FRMD4B: variants seen among roughly 807,000 people sequenced by gnomAD.
The protein encoded by FRMD4B is FERM domain containing 4B.
FRMD4B carries 74 observed loss-of-function variants against 141.5 expected under a neutral mutation model. The observed-to-expected ratio is 0.52, with a 90% CI of 0.43 to 0.63. The LOEUF is 0.63. FRMD4B is among the 30% of genes least tolerant of loss of function. The pLI, the probability that FRMD4B is intolerant of heterozygous loss-of-function variation, is 0.00. For synonymous variants in FRMD4B, 506 were observed against 467.9 expected, an observed-to-expected ratio of 1.08 and a Z score of -1.05; for missense variants, 1,366 against 1,253.4, an observed-to-expected ratio of 1.09 and a Z score of -1.36.
At chr3:69,473,100 C>T (rs990375389) in intron 1 of FRMD4B, among the ~76,000 whole-genome samples, 20 of 151,858 alleles carry the variant, frequency 1.3e-4, no homozygotes, top group Admixed American at 1.2e-3. Flanking sequence ...AAAGGATGTT[C>T]CCCAAAGGAA....
At chr3:69,461,020 A>G (rs1159224) in intron 1 of FRMD4B, among the ~76,000 whole-genome samples, 100,622 of 152,052 alleles carry the variant, frequency 0.66, 33,880 homozygotes, top group East Asian at 0.84. Flanking sequence ...GGATATTAGC[A>G]TTCTACATCT....
intron 17 of FRMD4B, among the ~76,000 whole-genome samples, chr3:69,191,790 A>G (rs933309121): frequency 2.6e-5 from 4 of 152,312 alleles, no homozygotes; most frequent in African/African-American, 9.6e-5. Context: ...TAAGCACAAC[A>G]CTAATCACCC....
chr3:69,396,165 A>G (rs1704470287), intron 2 of FRMD4B, among the ~76,000 whole-genome samples: 1 of 152,166 alleles, frequency 6.6e-6, no homozygotes, highest in Non-Finnish European at 1.5e-5. Flanking sequence ...GGAAGGCACA[A>G]CACCCAACTC....
intron 1 of FRMD4B, among the ~76,000 whole-genome samples, chr3:69,377,515 T>C (rs909782753): frequency 2.0e-5 from 3 of 152,194 alleles, no homozygotes; most frequent in East Asian, 3.9e-4. Context: ...AGGTGCTTGA[T>C]GTGTTGCCCA....
chr3:69,302,764 TA>T (rs1575708773), intron 3 of FRMD4B, among the ~76,000 whole-genome samples: 1 of 152,296 alleles, frequency 6.6e-6, no homozygotes, highest in East Asian at 1.9e-4. Flanking sequence ...GGATATTGTT[TA>T]AAAAAATTAT....
intron 5 of FRMD4B, among the ~76,000 whole-genome samples, chr3:69,272,093 C>A (rs1411692494): frequency 6.6e-6 from 1 of 152,162 alleles, no homozygotes; most frequent in Non-Finnish European, 1.5e-5. Context: ...TGATCAATAT[C>A]AGTCTTCTGA....
At chr3:69,290,942 T>C (rs976353880) in intron 4 of FRMD4B, among the ~76,000 whole-genome samples, 1 of 152,208 alleles carries the variant, frequency 6.6e-6, no homozygotes, top group Non-Finnish European at 1.5e-5. Flanking sequence ...TTAGTAATTG[T>C]GGGCGTCTCA....
intron 13 of FRMD4B, chr3:69,196,686 T>G (rs1391375015): frequency 1.7e-6 from 1 of 577,690 alleles, no homozygotes; most frequent in Non-Finnish European, 3.0e-6. Flanking sequence ...CAAACGTGCA[T>G]GCCAAAAAGT....
At position 69,181,113 on chromosome 3, in the gene FRMD4B, A is replaced by G; in HGVS notation, c.2637T>C (p.Ala879=). ...PYATLRLPRK[A]AAKSEHITKN... ...TGGTGATGTGCTCCGATTTTGCAGCAGCCTTCCTTGGCAGCCGGAGAGTTG... is the reference window on the plus strand; with the variant it reads ...TGGTGATGTGCTCCGATTTTGCAGCGGCCTTCCTTGGCAGCCGGAGAGTTG... The change falls in exon 21 of 23, where the codon GCT becomes GCC. Residue 879 remains alanine, a synonymous_variant. Transcript: ENST00000398540. 1 of 1,613,994 alleles carries G rather than the reference A, an allele frequency of 6.2e-7. No homozygotes were observed. Among genetic ancestry groups the G allele is most frequent in the Non-Finnish European group, 8.5e-7 (1 of 1,179,886 alleles).
chr3:69,264,553 A>G (rs185538367), intron 5 of FRMD4B, among the ~76,000 whole-genome samples: 75 of 152,328 alleles, frequency 4.9e-4, no homozygotes, highest in African/African-American at 1.8e-3. Context: ...AGGCTTCACC[A>G]TCTATAAGAA....
intron 7 of FRMD4B, among the ~76,000 whole-genome samples, chr3:69,245,599 G>A (rs972371747): frequency 1.3e-5 from 2 of 151,794 alleles, no homozygotes; most frequent in Admixed American, 6.6e-5. Context: ...CGCCTATCTC[G>A]GCCTCCTAAA....
chr3:69,255,790 T>C (rs1344570118), intron 5 of FRMD4B, among the ~76,000 whole-genome samples: 1 of 152,112 alleles, frequency 6.6e-6, no homozygotes, highest in Non-Finnish European at 1.5e-5. Context: ...GTTCTCTCTC[T>C]CTTTCTCTGG....
At chr3:69,490,070 T>C (rs1315050218) in intron 1 of FRMD4B, among the ~76,000 whole-genome samples, 4 of 152,158 alleles carry the variant, frequency 2.6e-5, no homozygotes, top group African/African-American at 9.7e-5. Flanking sequence ...CTGGGGTAGC[T>C]GGGAGGATGG....
At chr3:69,179,140 C>A (rs927893000) in intron 21 of FRMD4B, among the ~76,000 whole-genome samples, 1 of 152,114 alleles carries the variant, frequency 6.6e-6, no homozygotes, top group African/African-American at 2.4e-5. Context: ...CCCTGTAGTT[C>A]TTTAAAGAGT....
At chr3:69,203,570 G>A (rs1390620971) in intron 11 of FRMD4B, among the ~76,000 whole-genome samples, 5 of 152,136 alleles carry the variant, frequency 3.3e-5, no homozygotes, top group Non-Finnish European at 5.9e-5. Context: ...AGTGAACCAA[G>A]TCAGATTGCC....
At chr3:69,476,563 ATC>A (rs1706003558) in intron 1 of FRMD4B, among the ~76,000 whole-genome samples, 1 of 152,018 alleles carries the variant, frequency 6.6e-6, no homozygotes, top group Non-Finnish European at 1.5e-5. Context: ...ATTGATCTAT[ATC>A]TCTGTTTTGG....
rs576662600 is a variant in FRMD4B at position 69,249,276 on chromosome 3, G to C, written c.559-28C>G. 52 of 1,486,158 alleles carry C rather than the reference G, an allele frequency of 3.5e-5. 1 individual carries two copies. In the South Asian group the frequency reaches 4.9e-4, roughly 14 times the overall value. The allele number at this position is 1,486,158 out of a possible 1,614,324, so 92.1% of individuals were successfully genotyped here. ...AAAAACAACAAACAAAAACAGAGTT[G>C]ATCAATATGTATCTTTGTTAAGCTA... On this transcript the variant is annotated intron_variant, in intron 6 of 22. Transcript: ENST00000398540.
intron 1 of FRMD4B, among the ~76,000 whole-genome samples, chr3:69,382,115 C>T (rs971663359): frequency 1.3e-5 from 2 of 152,202 alleles, no homozygotes; most frequent in Non-Finnish European, 2.9e-5. Flanking sequence ...TCATGGCTTA[C>T]TGCAAACTCC....
intron 5 of FRMD4B, among the ~76,000 whole-genome samples, chr3:69,258,299 T>A (rs2106833711): frequency 6.6e-6 from 1 of 152,278 alleles, no homozygotes; most frequent in Admixed American, 6.5e-5. Context: ...TTTATTGAGG[T>A]ACATACAATA....
Sources: gnomAD v4.1 joint callset for allele counts (sites outside exome capture counted in the v4.1 genomes callset) on GRCh38, gnomAD v4.1.1 for gene constraint, MANE v1.5 for transcripts, NCBI Gene and HGNC (gene_info 2026-07-23, HGNC 2026-07-21) for gene names.